Variants in PTPRD observed in about 807,000 individuals in gnomAD.
The protein encoded by PTPRD is protein tyrosine phosphatase receptor type D, also known as receptor-type tyrosine-protein phosphatase delta.
Under a neutral mutation model 214.5 loss-of-function variants are expected in PTPRD, and 34 were observed. That is an observed-to-expected ratio of 0.16 (90% CI 0.12 to 0.21). PTPRD has a LOEUF of 0.21. PTPRD is among the 10% of genes least tolerant of loss of function. The pLI is 1.00. For synonymous variants in PTPRD, 1,128 were observed against 845.7 expected, an observed-to-expected ratio of 1.33 and a Z score of -5.79; for missense variants, 2,545 against 2,398.7, an observed-to-expected ratio of 1.06 and a Z score of -1.27.
At chr9:9,589,928 G>A (rs191780006) in intron 7 of PTPRD, among the ~76,000 whole-genome samples, 74 of 151,864 alleles carry the variant, frequency 4.9e-4, no homozygotes, top group African/African-American at 1.8e-3. Context: ...AGGTCATCTC[G>A]GCAATATCTA....
chr9:8,697,132 C>T (rs1219060382), intron 12 of PTPRD, among the ~76,000 whole-genome samples: 3 of 151,952 alleles, frequency 2.0e-5, no homozygotes, highest in Non-Finnish European at 4.4e-5. Flanking sequence ...CAGAAAATCA[C>T]GACCATGGAA....
At chr9:8,780,446 A>G (rs1287265297) in intron 11 of PTPRD, among the ~76,000 whole-genome samples, 1 of 152,200 alleles carries the variant, frequency 6.6e-6, no homozygotes, top group Non-Finnish European at 1.5e-5. Context: ...TTTAATCAGG[A>G]GCCTCCTGAG....
chr9:9,364,140 G>T (rs945116285), intron 9 of PTPRD, among the ~76,000 whole-genome samples: 3 of 151,350 alleles, frequency 2.0e-5, no homozygotes, highest in Admixed American at 6.6e-5. Flanking sequence ...CATGAAATTA[G>T]CTTTGGGAAT....
intron 14 of PTPRD, among the ~76,000 whole-genome samples, chr9:8,619,675 A>T (rs1462682909): frequency 6.6e-6 from 1 of 151,800 alleles, no homozygotes; most frequent in Non-Finnish European, 1.5e-5. Context: ...CTTTCTACCC[A>T]GGTTACACAG....
intron 14 of PTPRD, among the ~76,000 whole-genome samples, chr9:8,536,933 A>G (rs541346394): frequency 1.3e-5 from 2 of 152,170 alleles, no homozygotes; most frequent in East Asian, 1.9e-4. Context: ...TTTTCAAGTC[A>G]TTACATTTCA....
At chr9:10,521,037 A>G (rs1468248895) in intron 2 of PTPRD, among the ~76,000 whole-genome samples, 1 of 151,938 alleles carries the variant, frequency 6.6e-6, no homozygotes, top group Non-Finnish European at 1.5e-5. Context: ...TATTTTAGAA[A>G]TACAGTTCAT....
rs561145915 is a variant in PTPRD, at chr9:8,941,086, T to C, written c.-104+77611A>G. Among the ~76,000 whole-genome samples the C allele has an allele frequency of 3.1e-4, 47 of 152,300 alleles. 1 individual carries two copies. The highest frequency in any genetic ancestry group is 1.0e-3 in the African/African-American group (43 of 41,584). The stretch of plus-strand genomic sequence containing the variant: ...ACCCATCTCAAGAAATCATTTGTGA[T>C]ATTTTTCCTGACCCTCCCACCAAGT... On this transcript the variant is annotated intron_variant, in intron 11 of 45. Coordinates refer to ENST00000381196, the MANE Select transcript of PTPRD (RefSeq NM_002839.4).
intron 10 of PTPRD, 70 bp downstream of exon 10, chr9:9,183,234 T>C (rs959765928): frequency 6.6e-6 from 1 of 151,990 alleles, no homozygotes; most frequent in Non-Finnish European, 1.5e-5. Context: ...AGTTGAACTA[T>C]ACATCAGTTA....
At chr9:9,639,729 C>T (rs1228194656) in intron 7 of PTPRD, among the ~76,000 whole-genome samples, 1 of 152,148 alleles carries the variant, frequency 6.6e-6, no homozygotes, top group Non-Finnish European at 1.5e-5. Flanking sequence ...GGCATATTTA[C>T]ATTTTGGTGC....
At chr9:9,228,524 A>G (rs1188678492) in intron 9 of PTPRD, among the ~76,000 whole-genome samples, 1 of 152,090 alleles carries the variant, frequency 6.6e-6, no homozygotes. Flanking sequence ...TATATAATTA[A>G]TCTACTACTG....
chr9:8,970,737 G>GA (rs536356231), intron 11 of PTPRD, among the ~76,000 whole-genome samples: 40 of 151,730 alleles, frequency 2.6e-4, no homozygotes, highest in Non-Finnish European at 5.0e-4. Context: ...CTAACAAACA[G>GA]AAAATCTAAG....
chr9:10,370,782 G>A (rs987037186), intron 2 of PTPRD, among the ~76,000 whole-genome samples: 38 of 151,854 alleles, frequency 2.5e-4, no homozygotes, highest in African/African-American at 8.4e-4. Context: ...CAGTTTGATG[G>A]TCCCATTTCC....
intron 11 of PTPRD, among the ~76,000 whole-genome samples, chr9:8,928,455 AG>A (rs752404739): frequency 2.0e-5 from 3 of 152,204 alleles, no homozygotes; most frequent in Non-Finnish European, 2.9e-5. Context: ...TTTATTAAAC[AG>A]GGAATCCTTT....
At chr9:10,230,627 A>T (rs1476048206) in intron 3 of PTPRD, among the ~76,000 whole-genome samples, 1 of 151,936 alleles carries the variant, frequency 6.6e-6, no homozygotes, top group Non-Finnish European at 1.5e-5. Flanking sequence ...CCACTTAGTC[A>T]TTTCAGCTTT....
At chr9:8,422,302 T>C (rs1323580) in intron 35 of PTPRD, among the ~76,000 whole-genome samples, 43,502 of 152,004 alleles carry the variant, frequency 0.29, 6,860 homozygotes, top group East Asian at 0.58. Context: ...ATTCCTACTT[T>C]ATCACAATCC....
chr9:10,205,466 C>T (rs934669884), intron 3 of PTPRD, among the ~76,000 whole-genome samples: 71 of 151,610 alleles, frequency 4.7e-4, no homozygotes, highest in Admixed American at 3.9e-3. Flanking sequence ...AGTGCAGTGG[C>T]CTGATCTTGG....
At chr9:10,579,429 CT>C (rs1202601838) in intron 2 of PTPRD, among the ~76,000 whole-genome samples, 5 of 152,236 alleles carry the variant, frequency 3.3e-5, no homozygotes, top group African/African-American at 9.6e-5. Context: ...ACCCATGTTG[CT>C]GCAAAGAACA....
intron 7 of PTPRD, among the ~76,000 whole-genome samples, chr9:9,625,561 T>G (rs946679528): frequency 1.3e-5 from 2 of 152,004 alleles, no homozygotes; most frequent in African/African-American, 4.8e-5. Flanking sequence ...CTATTTTTTT[T>G]TTTTTTGTTT....
chr9:8,450,822 T>C (rs1351055680), intron 33 of PTPRD, among the ~76,000 whole-genome samples: 1 of 152,202 alleles, frequency 6.6e-6, no homozygotes, highest in Non-Finnish European at 1.5e-5. Flanking sequence ...ATTGAATCAA[T>C]AGAAGCCATT....
Sources: allele counts gnomAD v4.1 joint callset (sites outside exome capture counted in the v4.1 genomes callset), GRCh38; gene constraint gnomAD v4.1.1; transcripts MANE v1.5; gene names NCBI Gene and HGNC (gene_info 2026-07-23, HGNC 2026-07-21).